Variants in ZNF710 observed in about 807,000 individuals in gnomAD.
ZNF710 encodes the protein zinc finger protein 710.
ZNF710 carries 13 observed loss-of-function variants against 50.6 expected under a neutral mutation model. That is an observed-to-expected ratio of 0.26 (90% CI 0.17 to 0.41). The LOEUF (loss-of-function observed/expected upper bound fraction) is 0.41, where lower values mean the gene tolerates loss of function less well. Ranked by LOEUF, ZNF710 falls within the 10% of genes least tolerant of loss-of-function variation. ZNF710 has a pLI of 1.00. For missense variants in ZNF710, 721 were observed against 936.6 expected (o/e 0.77, Z 3.01); for synonymous variants, 383 against 397.0 (o/e 0.96, Z 0.42).
chr15:90,036,580 A>G (rs1417989699), intron 1 of ZNF710, among the ~76,000 whole-genome samples: 2 of 152,180 alleles, frequency 1.3e-5, no homozygotes, highest in Non-Finnish European at 2.9e-5. Context: ...TACTGGCCGC[A>G]GTGGAAAGAA....
intron 4 of ZNF710, among the ~76,000 whole-genome samples, chr15:90,077,683 A>T (rs1470889619): frequency 6.6e-6 from 1 of 152,232 alleles, no homozygotes; most frequent in African/African-American, 2.4e-5. Flanking sequence ...GAAGACTCAC[A>T]GTGGGTTAGA....
chr15:90,073,798 A>C (rs1900479774), intron 3 of ZNF710, among the ~76,000 whole-genome samples: 1 of 151,966 alleles, frequency 6.6e-6, no homozygotes, highest in South Asian at 2.1e-4. Flanking sequence ...AGACCAGCCT[A>C]GCCAATGTGG....
intron 1 of ZNF710, among the ~76,000 whole-genome samples, chr15:90,004,805 C>T (rs556405982): frequency 2.6e-5 from 4 of 152,202 alleles, no homozygotes; most frequent in African/African-American, 4.8e-5. Flanking sequence ...GCGCTCACGC[C>T]GCACACGAGT....
At chr15:90,044,560 T>C (rs1349018100) in intron 1 of ZNF710, among the ~76,000 whole-genome samples, 1 of 152,190 alleles carries the variant, frequency 6.6e-6, no homozygotes, top group Non-Finnish European at 1.5e-5. Context: ...CAGGGACACA[T>C]GTGTCCCACG....
At chr15:90,043,613 A>G (rs1176582380) in intron 1 of ZNF710, among the ~76,000 whole-genome samples, 3 of 152,206 alleles carry the variant, frequency 2.0e-5, no homozygotes, top group African/African-American at 7.2e-5. Context: ...CTCCCCAGAA[A>G]GGAGAGAAGG....
chr15:90,065,453 G>C (rs1225663483), intron 1 of ZNF710, among the ~76,000 whole-genome samples: 1 of 152,214 alleles, frequency 6.6e-6, no homozygotes, highest in Non-Finnish European at 1.5e-5. Context: ...ACTGCCTGGC[G>C]TGCTGCAGTC....
At chr15:90,077,933 C>T (rs1900632425) in intron 4 of ZNF710, among the ~76,000 whole-genome samples, 2 of 151,784 alleles carry the variant, frequency 1.3e-5, no homozygotes, top group Non-Finnish European at 1.5e-5. Context: ...TGGGGCCAGG[C>T]GCAGTGGCTC....
In ZNF710 at chr15:90,034,507, G is replaced by A. The variant is rs1254566148; in HGVS notation, c.-28-32603G>A. ...TGCCTGTGGTGGTGGTGGCCATGGTGTCGGCAGCAGCAGGGTTGTCAGGAA... is the reference window on the plus strand; with the variant it reads ...TGCCTGTGGTGGTGGTGGCCATGGTATCGGCAGCAGCAGGGTTGTCAGGAA... On this transcript the variant is annotated intron_variant, in intron 1 of 4. Coordinates refer to ENST00000268154, the MANE Select transcript of ZNF710 (RefSeq NM_198526.4). This position sits in a 1 kb window ranked among gnomAD's most constrained non-coding sequence, Gnocchi z 4.0. Among the ~76,000 whole-genome samples the A allele has an allele frequency of 6.6e-6, 1 of 151,344 alleles. No homozygotes were observed. The highest frequency in any genetic ancestry group is 6.6e-5 in the Admixed American group (1 of 15,196).
At chr15:90,054,890 T>C (rs796124540) in intron 1 of ZNF710, among the ~76,000 whole-genome samples, 8 of 152,192 alleles carry the variant, frequency 5.3e-5, no homozygotes, top group African/African-American at 1.9e-4. Context: ...GCCATAAAGC[T>C]CAGGGAAAAG....
At chr15:89,999,317 CTGA>C (rs1466263910), upstream of ZNF710, among the ~76,000 whole-genome samples, 2 of 152,252 alleles carry the variant, frequency 1.3e-5, no homozygotes, top group Admixed American at 6.5e-5. Flanking sequence ...CTGCGTCTTG[CTGA>C]TGATTCGGTC....
At chr15:90,072,390 T>A (rs909347199) in intron 2 of ZNF710, among the ~76,000 whole-genome samples, 1 of 152,180 alleles carries the variant, frequency 6.6e-6, no homozygotes, top group Non-Finnish European at 1.5e-5. Context: ...GGCTGTATGT[T>A]GGATGAGAAC....
At chr15:90,035,310 G>A (rs149039920) in intron 1 of ZNF710, among the ~76,000 whole-genome samples, 2,837 of 152,320 alleles carry the variant, frequency 0.019, 41 homozygotes, top group Middle Eastern at 0.068. Flanking sequence ...TCCTGGCCTG[G>A]CTCAGCATTG....
intron 1 of ZNF710, among the ~76,000 whole-genome samples, chr15:90,039,843 C>G (rs1899244678): frequency 6.6e-6 from 1 of 152,184 alleles, no homozygotes; most frequent in Non-Finnish European, 1.5e-5. Context: ...AGCCTCCAAG[C>G]AAGGGGCGCT....
At chr15:90,000,321 C>A (rs529020398), upstream of ZNF710, among the ~76,000 whole-genome samples, 1 of 152,274 alleles carries the variant, frequency 6.6e-6, no homozygotes, top group East Asian at 1.9e-4. Flanking sequence ...CTCGGAGTGG[C>A]GGGTGTTCTG....
upstream of ZNF710, among the ~76,000 whole-genome samples, chr15:89,999,525 C>T (rs1296276855): frequency 6.6e-6 from 1 of 152,182 alleles, no homozygotes; most frequent in East Asian, 1.9e-4. Flanking sequence ...ATTGGGGGCT[C>T]AGGGTGCTGA....
Position 90,079,878 on chromosome 15 carries a change from T to C in ZNF710, c.*49T>C. On this transcript the variant is annotated 3_prime_UTR_variant, in exon 5 of 5. Coordinates refer to ENST00000268154, the MANE Select transcript of ZNF710 (RefSeq NM_198526.4). The stretch of plus-strand genomic sequence containing the variant: ...GGGGCCGGGGGCGAGGGCATGGGGG[T>C]GAGACCCATGGGCTGCAGGCTGCAC... The C allele has an allele frequency of 2.0e-6, 3 of 1,527,548 alleles. No individual in the cohort carries two copies. The highest frequency in any genetic ancestry group is 1.4e-5 in the African/African-American group (1 of 71,094). 94.6% of individuals were successfully genotyped at this position (1,527,548 alleles called of 1,614,324 possible). A position where few individuals can be genotyped will look rare whatever the true frequency, so the allele number is the denominator to read the frequency against.
intron 1 of ZNF710, among the ~76,000 whole-genome samples, chr15:90,012,943 C>G (rs1898354444): frequency 6.6e-6 from 1 of 152,154 alleles, no homozygotes; most frequent in Non-Finnish European, 1.5e-5. Flanking sequence ...TTTCTTTAAT[C>G]ATATTAAACA....
intron 1 of ZNF710, among the ~76,000 whole-genome samples, chr15:90,008,465 T>TATATATATATATATATAC (rs1567218501): frequency 6.6e-5 from 9 of 137,250 alleles, no homozygotes; most frequent in African/African-American, 2.9e-4. Context: ...TATATATATA[T>TATATATATATATATATAC]ACATGAAGTA....
rs895958688 is a variant in ZNF710 at position 90,037,930 on chromosome 15, T to G, written c.-28-29180T>G. On this transcript the variant is annotated intron_variant, in intron 1 of 4. Coordinates refer to ENST00000268154, the MANE Select transcript of ZNF710 (RefSeq NM_198526.4). ...ACGAATTCCCCGAGGGAGGCCTTGA[T>G]GAGGAGGTGAAGAGGCAGTGAGGGT... Among the ~76,000 whole-genome samples the G allele has an allele frequency of 4.6e-5, 7 of 152,112 alleles. No homozygotes were observed. The East Asian group carries it at 9.6e-4, about 21-fold the overall frequency.
Sources: gnomAD v4.1 joint callset for allele counts (sites outside exome capture counted in the v4.1 genomes callset) on GRCh38, gnomAD v4.1.1 for gene constraint, Gnocchi (gnomAD v3.1) non-coding constraint, MANE v1.5 for transcripts, NCBI Gene and HGNC (gene_info 2026-07-23, HGNC 2026-07-21) for gene names.